The following POLR3B variants were observed in gnomAD, a reference collection of about 807,000 sequenced individuals.
POLR3B encodes DNA-directed RNA polymerase III subunit RPC2.
A neutral mutation model predicts 147.4 loss-of-function variants in POLR3B; 96 were observed. The observed-to-expected ratio is 0.65, with a 90% CI of 0.55 to 0.77. The LOEUF (loss-of-function observed/expected upper bound fraction) is 0.77, where lower values mean the gene tolerates loss of function less well. Ranked by LOEUF, POLR3B falls within the 30% of genes least tolerant of loss-of-function variation. The pLI is 0.00. For synonymous variants in POLR3B, 461 were observed against 485.9 expected (o/e 0.95, Z 0.67); for missense variants, 1,036 against 1,413.5 (o/e 0.73, Z 4.28).
intron 23 of POLR3B, among the ~76,000 whole-genome samples, chr12:106,477,252 G>A (rs2038186322): frequency 1.0e-5 from 1 of 100,414 alleles, no homozygotes; most frequent in Non-Finnish European, 1.9e-5. Flanking sequence ...CGTGCTGGGA[G>A]AACCACTGCT....
chr12:106,442,459 G>C (rs2037664600), intron 18 of POLR3B, among the ~76,000 whole-genome samples: 1 of 152,078 alleles, frequency 6.6e-6, no homozygotes, highest in Admixed American at 6.6e-5. Context: ...ACAAAACCTA[G>C]AGTATTTTCC....
intron 1 of POLR3B, among the ~76,000 whole-genome samples, chr12:106,361,806 G>A (rs1442279115): frequency 2.0e-5 from 3 of 152,194 alleles, no homozygotes; most frequent in Admixed American, 1.3e-4. Flanking sequence ...GTGTGACAAG[G>A]CCCGGCCGGA....
In POLR3B at chr12:106,358,304, A is replaced by G. The variant is rs1358085240; in HGVS notation, c.72+353A>G. On this transcript the variant is annotated intron_variant, in intron 1 of 27. Coordinates refer to ENST00000228347, the MANE Select transcript of POLR3B (RefSeq NM_018082.6). ...GCAGTCTTACAGAGGACACGGGGCC[A>G]GGGAGCTCAGGCCATTTGCATGAGG... 19 of 1,191,456 alleles carry G rather than the reference A, an allele frequency of 1.6e-5. No individual in the cohort carries two copies. The African/African-American group carries it at 2.4e-4, about 15-fold the overall frequency. 73.8% of individuals were successfully genotyped at this position (1,191,456 alleles called of 1,614,324 possible). A position where few individuals can be genotyped will look rare whatever the true frequency, so the allele number is the denominator to read the frequency against.
intron 19 of POLR3B, among the ~76,000 whole-genome samples, chr12:106,445,964 A>G (rs1432393120): frequency 6.6e-6 from 1 of 152,246 alleles, no homozygotes; most frequent in Non-Finnish European, 1.5e-5. Flanking sequence ...AAAGCATTTT[A>G]TCCTGCTGGT....
At chr12:106,457,914 G>C (rs2037885894) in intron 21 of POLR3B, among the ~76,000 whole-genome samples, 1 of 152,168 alleles carries the variant, frequency 6.6e-6, no homozygotes, top group Admixed American at 6.5e-5. Context: ...AACTAAAGAA[G>C]AGGATCAGGG....
chr12:106,423,529 T>TA (rs2037398373), intron 12 of POLR3B, among the ~76,000 whole-genome samples: 1 of 152,156 alleles, frequency 6.6e-6, no homozygotes, highest in Admixed American at 6.5e-5. Flanking sequence ...GTGATGGTGT[T>TA]AACTCTCAGA....
Position 106,405,978 on chromosome 12 carries a change from T to C in POLR3B, c.966+2T>C. ...TCCACCATTCTGACCCATGTCCCAGTGAGTAACACTTCGTTATTGTGAATA... is the reference window on the plus strand; with the variant it reads ...TCCACCATTCTGACCCATGTCCCAGCGAGTAACACTTCGTTATTGTGAATA... On this transcript the variant is annotated splice_donor_variant, in intron 11 of 27. Transcript: ENST00000228347. LOFTEE classifies it high-confidence loss of function. 1.2e-6 allele frequency: 2 copies of C among 1,613,660 alleles called. No homozygotes were observed. Among genetic ancestry groups the C allele is most frequent in the Non-Finnish European group, 1.7e-6 (2 of 1,179,666 alleles).
At chr12:106,436,936 G>A (rs2037584333) in intron 16 of POLR3B, 121 bp from the exon 17 acceptor site, 1 of 776,706 alleles carries the variant, frequency 1.3e-6, no homozygotes, top group Non-Finnish European at 2.2e-6. Context: ...GGTGTCCTCA[G>A]CAATCCAGGA....
intron 13 of POLR3B, among the ~76,000 whole-genome samples, chr12:106,428,853 C>T (rs1206245167): frequency 1.3e-5 from 2 of 152,102 alleles, no homozygotes; most frequent in African/African-American, 2.4e-5. Flanking sequence ...CCAAAGTGAT[C>T]GATCTTCACT....
intron 1 of POLR3B, among the ~76,000 whole-genome samples, chr12:106,362,145 C>T (rs910197198): frequency 6.6e-6 from 1 of 151,934 alleles, no homozygotes; most frequent in Non-Finnish European, 1.5e-5. Flanking sequence ...GATTTGAATA[C>T]TCGTTTTAAA....
intron 18 of POLR3B, among the ~76,000 whole-genome samples, chr12:106,438,158 T>A (rs997733737): frequency 6.6e-6 from 1 of 152,214 alleles, no homozygotes; most frequent in Admixed American, 6.6e-5. Context: ...TTTCTGTTCC[T>A]GTGTTAGTTT....
intron 10 of POLR3B, among the ~76,000 whole-genome samples, chr12:106,401,123 A>G (rs1331513042): frequency 1.3e-5 from 2 of 152,234 alleles, no homozygotes; most frequent in Non-Finnish European, 2.9e-5. Flanking sequence ...TAGACGCAAT[A>G]AAAAGTGATA....
At position 106,432,434 on chromosome 12, in the gene POLR3B, T is replaced by C. The variant is rs780797276; in HGVS notation, c.1581T>C (p.Cys527=). The C allele has an allele frequency of 1.9e-6, 3 of 1,613,480 alleles. No homozygotes were observed. The highest frequency in any genetic ancestry group is 1.1e-5 in the South Asian group (1 of 91,064). ...NLGVEDVNLL[C]GEELSYPNVF... ...GAGTAGAAGATGTGAATTTATTATG[T>C]GGGGAAGAGCTCTCTTACCCAAATG... Residue 527 remains cysteine, a synonymous_variant, in exon 15 of 28, where the codon TGT becomes TGC. Transcript: ENST00000228347.
In POLR3B at chr12:106,427,193, T is replaced by TA; in HGVS notation, c.1102-4_1102-3insA. On this transcript the variant is annotated splice_region_variant and splice_polypyrimidine_tract_variant and intron_variant, in intron 12 of 27. Transcript: ENST00000228347. ...TCACCATATACCTTTTTTTTTTTTT[T>TA]TAGCTTTTATCTCTTCTTTTTGAAG... 8.7e-6 allele frequency: 13 copies of TA among 1,495,224 alleles called. No homozygotes were observed. Among genetic ancestry groups the TA allele is most frequent in the Non-Finnish European group, 1.2e-5 (13 of 1,095,314 alleles). 92.6% of individuals were successfully genotyped at this position (1,495,224 alleles called of 1,614,324 possible).
At chr12:106,501,747 A>G (rs918691752) in intron 26 of POLR3B, among the ~76,000 whole-genome samples, 1 of 152,242 alleles carries the variant, frequency 6.6e-6, no homozygotes, top group Non-Finnish European at 1.5e-5. Flanking sequence ...GAAGATGTGT[A>G]TGTATATAGC....
At chr12:106,368,346 A>G (rs1166324660) in intron 4 of POLR3B, among the ~76,000 whole-genome samples, 1 of 152,102 alleles carries the variant, frequency 6.6e-6, no homozygotes, top group East Asian at 1.9e-4. Context: ...ATGTGTATGT[A>G]TACGAACACA....
At chr12:106,397,124 C>CA (rs1261298197) in intron 10 of POLR3B, among the ~76,000 whole-genome samples, 5,174 of 107,902 alleles carry the variant, frequency 0.048, 265 homozygotes, top group African/African-American at 0.16. Context: ...GACCCTGTCT[C>CA]AAAAAAAAAA....
chr12:106,493,185 G>A (rs1052343831), intron 23 of POLR3B, among the ~76,000 whole-genome samples: 2 of 152,158 alleles, frequency 1.3e-5, no homozygotes, highest in Non-Finnish European at 2.9e-5. Context: ...AAGGATCCAG[G>A]GGAGTGTTAA....
intron 10 of POLR3B, among the ~76,000 whole-genome samples, chr12:106,404,519 A>G (rs1294425307): frequency 6.6e-6 from 1 of 152,148 alleles, no homozygotes; most frequent in Non-Finnish European, 1.5e-5. Flanking sequence ...ATGGTAACAA[A>G]TGATGTTGAG....
Sources: gnomAD v4.1 joint callset for allele counts (sites outside exome capture counted in the v4.1 genomes callset) on GRCh38, gnomAD v4.1.1 for gene constraint, MANE v1.5 for transcripts, NCBI Gene and HGNC (gene_info 2026-07-23, HGNC 2026-07-21) for gene names.